The following CDK7 variants were observed in gnomAD, a reference collection of about 807,000 sequenced individuals.
CDK7 encodes the protein cyclin-dependent kinase 7.
CDK7 carries 25 observed loss-of-function variants against 49.1 expected under a neutral mutation model. The observed-to-expected ratio is 0.51, with a 90% confidence interval of 0.37 to 0.71. CDK7 has a LOEUF of 0.71. Among genes scored for constraint, CDK7 ranks in the 30% least tolerant of loss-of-function variants. CDK7 has a pLI of 0.00. For synonymous variants in CDK7, 107 were observed against 140.0 expected (o/e 0.76, Z 1.67); for missense variants, 316 against 411.7 (o/e 0.77, Z 2.01).
intron 2 of CDK7, among the ~76,000 whole-genome samples, chr5:69,237,767 A>G (rs982233817): frequency 2.6e-5 from 4 of 152,164 alleles, no homozygotes; most frequent in African/African-American, 7.2e-5. Context: ...CCTGGTCAAC[A>G]TGGCGAAACC....
In CDK7 at chr5:69,235,228, T is replaced by C. The variant is rs555384947; in HGVS notation, c.67-166T>C. 406 of 759,738 alleles carry C rather than the reference T, an allele frequency of 5.3e-4. 17 individuals carry two copies. Among genetic ancestry groups the C allele is most frequent in the South Asian group, 5.1e-3 (323 of 63,330 alleles). The allele number at this position is 759,738 out of a possible 1,614,324, so 47.1% of individuals were successfully genotyped here. ...GGGTGAATCCCTGAGGGGCCTCTCC[T>C]TGCTGAAGAGTAGCCTGGAGCTGGA... is the stretch of plus-strand genomic sequence containing the variant. On this transcript the variant is annotated intron_variant, in intron 1 of 11. Transcript: ENST00000256443.
intron 2 of CDK7, among the ~76,000 whole-genome samples, chr5:69,241,726 C>T (rs1292302888): frequency 6.6e-6 from 1 of 152,146 alleles, no homozygotes; most frequent in Non-Finnish European, 1.5e-5. Context: ...AATACCTACT[C>T]AGATCTTTCG....
At chr5:69,275,786 C>T (rs1220905229) in intron 10 of CDK7, among the ~76,000 whole-genome samples, 1 of 152,086 alleles carries the variant, frequency 6.6e-6, no homozygotes, top group Non-Finnish European at 1.5e-5. Flanking sequence ...CAAGCCTGGC[C>T]AATATAGCAA....
intron 2 of CDK7, among the ~76,000 whole-genome samples, chr5:69,251,289 G>A (rs987039093): frequency 5.3e-5 from 8 of 151,934 alleles, no homozygotes; most frequent in Admixed American, 1.3e-4. Flanking sequence ...TAATAGAGAC[G>A]GGGTTTCACC....
intron 8 of CDK7, among the ~76,000 whole-genome samples, chr5:69,266,874 T>C (rs1215741190): frequency 6.6e-6 from 1 of 152,096 alleles, no homozygotes; most frequent in Non-Finnish European, 1.5e-5. Flanking sequence ...AACCAAATTG[T>C]ATAAGAAGGG....
In CDK7 at chr5:69,254,596, A is replaced by G. The variant is rs191940778; in HGVS notation, c.161-6A>G. 3,228 of 1,319,820 alleles carry G rather than the reference A, an allele frequency of 2.4e-3. 5 individuals carry two copies. Among genetic ancestry groups the G allele is most frequent in the Non-Finnish European group, 2.9e-3 (2,648 of 922,148 alleles). The allele number at this position is 1,319,820 out of a possible 1,614,324, so 81.8% of individuals were successfully genotyped here. A position where few individuals can be genotyped will look rare whatever the true frequency, so the allele number is the denominator to read the frequency against. On this transcript the variant is annotated splice_region_variant and splice_polypyrimidine_tract_variant and intron_variant, in intron 3 of 11. Coordinates refer to ENST00000256443, the MANE Select transcript of CDK7 (RefSeq NM_001799.4). Reference sequence around the variant, plus strand: ...TATTCACTTTTTGCTTTGCCTTTTTATATAGGTATAAATAGAACCGCCTTA... The same window carrying G: ...TATTCACTTTTTGCTTTGCCTTTTTGTATAGGTATAAATAGAACCGCCTTA...
chr5:69,239,558 A>C (rs1749231103), intron 2 of CDK7, among the ~76,000 whole-genome samples: 1 of 152,200 alleles, frequency 6.6e-6, no homozygotes, highest in South Asian at 2.1e-4. Context: ...GGTGTGAACC[A>C]CAGCAACCAG....
intron 6 of CDK7, 79 bp downstream of exon 6, chr5:69,258,232 A>T: frequency 1.6e-6 from 1 of 622,038 alleles, no homozygotes; most frequent in South Asian, 2.1e-5. Flanking sequence ...TGAATATGTA[A>T]ATTGTTTAAC....
intron 2 of CDK7, 170 bp downstream of exon 2, chr5:69,235,623 GGTTGAACCC>G: frequency 1.6e-6 from 1 of 621,622 alleles, no homozygotes; most frequent in East Asian, 2.8e-5. Flanking sequence ...GGAACTCTAG[GGTTGAACCC>G]GTTTTAATTT....
At position 69,258,161 on chromosome 5, in the gene CDK7, T is replaced by C; in HGVS notation, c.408+8T>C. On this transcript the variant is annotated splice_region_variant and intron_variant, in intron 6 of 11. Coordinates refer to ENST00000256443, the MANE Select transcript of CDK7 (RefSeq NM_001799.4). Reference sequence around the variant, plus strand: ...CATTGGATCCTACATAGGGTAAGGTTTTTAATATTGCTTCTTTATACTAGT... The same window carrying C: ...CATTGGATCCTACATAGGGTAAGGTCTTTAATATTGCTTCTTTATACTAGT... 1 of 1,314,466 alleles carries C rather than the reference T, an allele frequency of 7.6e-7. No homozygotes were observed. The highest frequency in any genetic ancestry group is 1.3e-5 in the South Asian group (1 of 77,074). 81.4% of individuals were successfully genotyped at this position (1,314,466 alleles called of 1,614,324 possible).
intron 5 of CDK7, among the ~76,000 whole-genome samples, chr5:69,256,623 G>A (rs1197403687): frequency 6.6e-6 from 1 of 152,148 alleles, no homozygotes; most frequent in Non-Finnish European, 1.5e-5. Context: ...TTATAAGCGT[G>A]AGCCACCATG....
chr5:69,234,924 G>A lies in CDK7; in HGVS notation c.-52G>A. On this transcript the variant is annotated 5_prime_UTR_variant, in exon 1 of 12. Coordinates refer to ENST00000256443, the MANE Select transcript of CDK7 (RefSeq NM_001799.4). ...GGCTTTAAGGTAGCTTTAAATTCGT[G>A]TTGTCCTGGGAGCTCGCCCTTTTCG... 6.5e-7 allele frequency: 1 copy of A among 1,537,754 alleles called. No individual in the cohort carries two copies. Among genetic ancestry groups the A allele is most frequent in the Admixed American group, 1.9e-5 (1 of 51,494 alleles).
intron 2 of CDK7, among the ~76,000 whole-genome samples, chr5:69,238,523 G>C (rs1479595582): frequency 6.6e-6 from 1 of 152,006 alleles, no homozygotes; most frequent in Non-Finnish European, 1.5e-5. Flanking sequence ...CTGGGCTCAA[G>C]TGAACCTTCC....
rs1752160856 is a variant in CDK7 at position 69,276,545 on chromosome 5, A to G, written c.867A>G (p.Ala289=). Residue 289 remains alanine (A), a splice_region_variant and synonymous_variant, in exon 11 of 12, where the codon GCA becomes GCG. Coordinates refer to ENST00000256443, the MANE Select transcript of CDK7 (RefSeq NM_001799.4). ...NPCARITATQ[A]LKMKYFSNRP... is the part of the protein sequence containing the mutation. ...TTTGGTATCTTTTCTTTTAAAAGGC[A>G]CTGAAAATGAAGTATTTCAGTAATC... is the stretch of plus-strand genomic sequence containing the variant. The G allele has an allele frequency of 6.2e-7, 1 of 1,612,380 alleles. No individual in the cohort carries two copies. Among genetic ancestry groups the G allele is most frequent in the Non-Finnish European group, 8.5e-7 (1 of 1,179,900 alleles).
At chr5:69,274,885 G>A (rs554238939) in intron 10 of CDK7, among the ~76,000 whole-genome samples, 2 of 152,142 alleles carry the variant, frequency 1.3e-5, no homozygotes, top group Admixed American at 6.5e-5. Flanking sequence ...CAAAGTGCTG[G>A]GATTACAGGC....
intron 2 of CDK7, among the ~76,000 whole-genome samples, chr5:69,249,948 T>C (rs1750030794): frequency 6.6e-6 from 1 of 152,262 alleles, no homozygotes. Flanking sequence ...TTTGTTGAAT[T>C]TACCTGATAG....
At chr5:69,248,795 T>C (rs199731728) in intron 2 of CDK7, among the ~76,000 whole-genome samples, 1 of 120,864 alleles carries the variant, frequency 8.3e-6, no homozygotes, top group African/African-American at 3.4e-5. Context: ...CTTTTCTTTT[T>C]TTTTTTCTTT....
chr5:69,236,697 G>T (rs1345590390), intron 2 of CDK7, among the ~76,000 whole-genome samples: 2 of 151,266 alleles, frequency 1.3e-5, no homozygotes, highest in Admixed American at 6.6e-5. Flanking sequence ...TGTTGCCCAG[G>T]CTGGAGTGCA....
chr5:69,250,587 C>G (rs546931397), intron 2 of CDK7, among the ~76,000 whole-genome samples: 16 of 152,246 alleles, frequency 1.1e-4, no homozygotes, highest in African/African-American at 3.9e-4. Flanking sequence ...GGGTTCCCCT[C>G]TGTTCCAGGG....
Sources: allele counts gnomAD v4.1 joint callset (sites outside exome capture counted in the v4.1 genomes callset), GRCh38; gene constraint gnomAD v4.1.1; transcripts MANE v1.5; gene names NCBI Gene and HGNC (gene_info 2026-07-23, HGNC 2026-07-21).